COL23A1: variants seen among roughly 807,000 people sequenced by gnomAD.
COL23A1 encodes the protein collagen type XXIII alpha 1 chain.
Under a neutral mutation model 99.3 loss-of-function variants are expected in COL23A1, and 97 were observed. The observed-to-expected ratio is 0.98, with a 90% CI of 0.83 to 1.16. The LOEUF (loss-of-function observed/expected upper bound fraction) is 1.16, where lower values mean the gene tolerates loss of function less well. COL23A1 is among the 50% of genes most tolerant of loss of function. COL23A1 has a pLI of 0.00. For missense variants in COL23A1, 762 were observed against 757.4 expected (o/e 1.01, Z -0.07); for synonymous variants, 320 against 308.2 (o/e 1.04, Z -0.40).
chr5:178,327,141 C>T (rs1581160078), intron 2 of COL23A1, among the ~76,000 whole-genome samples: 1 of 152,216 alleles, frequency 6.6e-6, no homozygotes, highest in South Asian at 2.1e-4. Flanking sequence ...TTTGTTCATT[C>T]GTCTTTCTGA....
At chr5:178,448,557 T>C (rs187646440) in intron 2 of COL23A1, among the ~76,000 whole-genome samples, 23 of 152,360 alleles carry the variant, frequency 1.5e-4, no homozygotes, top group Admixed American at 1.0e-3. Flanking sequence ...GGACCTAGCA[T>C]CTGGCAAGGG....
intron 2 of COL23A1, among the ~76,000 whole-genome samples, chr5:178,338,588 G>GGGTGGCTCCTGGGTCAC (rs1561875088): frequency 2.0e-5 from 3 of 147,692 alleles, no homozygotes; most frequent in African/African-American, 7.8e-5. Context: ...TGGGTCACTG[G>GGGTGGCTCCTGGGTCAC]CCAGCACCGG....
chr5:178,522,135 T>G (rs1477377683), intron 2 of COL23A1, among the ~76,000 whole-genome samples: 1 of 152,180 alleles, frequency 6.6e-6, no homozygotes, highest in Non-Finnish European at 1.5e-5. Flanking sequence ...ATATAAACAT[T>G]AAAAACTTTC....
Position 178,356,853 on chromosome 5 carries a change from G to C in COL23A1, c.362-49934C>G, listed in dbSNP as rs144361685. Among the ~76,000 whole-genome samples, 514 of 152,068 alleles carry C rather than the reference G, an allele frequency of 3.4e-3. 2 individuals carry two copies. The highest frequency in any genetic ancestry group is 0.031 in the South Asian group (150 of 4,796). On this transcript the variant is annotated intron_variant, in intron 2 of 28. Transcript: ENST00000390654. ...CCGAGCCTCAGGAACCCTGGTGCTG[G>C]TCCCCACTGCAACCCCCTGGGGTCT... is the stretch of plus-strand genomic sequence containing the variant.
chr5:178,242,076 G>T lies in COL23A1; in HGVS notation c.1547C>A (p.Pro516Gln). The change falls in exon 27 of 29, where the codon CCG becomes CAG. Residue 516 changes from proline to glutamine, a missense_variant. Physicochemically the swap from Pro to Gln is moderately conservative, Grantham distance 76 (BLOSUM62 -1). Coordinates refer to ENST00000390654, the MANE Select transcript of COL23A1 (RefSeq NM_173465.4). ...CGGCTGGTCCAGGCCTGGTGGTCCCGGCTCGCCCTTCTGGCCCTTCACTCC... is the reference window on the plus strand; with the variant it reads ...CGGCTGGTCCAGGCCTGGTGGTCCCTGCTCGCCCTTCTGGCCCTTCACTCC... The part of the protein sequence containing the change: ...RKGVKGQKGE[P>Q]GPPGLDQPCP... 1 of 1,553,942 alleles carries T rather than the reference G, an allele frequency of 6.4e-7. No individual in the cohort carries two copies. Among genetic ancestry groups the T allele is most frequent in the Non-Finnish European group, 8.7e-7 (1 of 1,148,376 alleles).
chr5:178,322,200 G>GGGC (rs1395467287), intron 2 of COL23A1, among the ~76,000 whole-genome samples: 1 of 151,560 alleles, frequency 6.6e-6, no homozygotes, highest in African/African-American at 2.4e-5. Flanking sequence ...CACTGTGTTG[G>GGGC]CCAGGCTGTT....
intron 2 of COL23A1, among the ~76,000 whole-genome samples, chr5:178,480,005 A>T (rs1757246526): frequency 1.3e-5 from 2 of 152,130 alleles, no homozygotes; most frequent in Non-Finnish European, 2.9e-5. Flanking sequence ...GGCAACTGAG[A>T]TAAAACGGTA....
chr5:178,498,240 ATATATATATATAT>A (rs1758321347), intron 2 of COL23A1, among the ~76,000 whole-genome samples: 1 of 65,748 alleles, frequency 1.5e-5, no homozygotes, highest in Admixed American at 1.4e-4. Flanking sequence ...ATATATATAT[ATATATATATATAT>A]ATATAAAAGA....
intron 2 of COL23A1, among the ~76,000 whole-genome samples, chr5:178,539,425 A>G (rs1026746770): frequency 6.6e-6 from 1 of 151,846 alleles, no homozygotes; most frequent in African/African-American, 2.4e-5. Flanking sequence ...CAGTGCCTGT[A>G]ATCCCAGCTA....
At chr5:178,297,674 C>G (rs1757817280) in intron 3 of COL23A1, among the ~76,000 whole-genome samples, 1 of 152,194 alleles carries the variant, frequency 6.6e-6, no homozygotes, top group South Asian at 2.1e-4. Context: ...TTCTGTCAGC[C>G]CCCGGAAAGG....
intron 2 of COL23A1, among the ~76,000 whole-genome samples, chr5:178,477,836 T>C (rs948402810): frequency 6.6e-6 from 1 of 152,202 alleles, no homozygotes; most frequent in Admixed American, 6.5e-5. Flanking sequence ...CTGGTGCTAA[T>C]GGGTGAAGTC....
chr5:178,548,137 G>C (rs970576697), intron 2 of COL23A1, among the ~76,000 whole-genome samples: 5 of 133,566 alleles, frequency 3.7e-5, no homozygotes, highest in Admixed American at 2.7e-4. Flanking sequence ...AAAGAACAAA[G>C]AGGCCTGCTG....
rs1762499139 is a variant in COL23A1, at chr5:178,366,698, G to GCCACACTGAGCATC, written c.362-59793_362-59780dup. 6.6e-6 allele frequency among the ~76,000 whole-genome samples: 1 copy of GCCACACTGAGCATC among 152,192 alleles called. No individual in the cohort carries two copies. The highest frequency in any genetic ancestry group is 1.5e-5 in the Non-Finnish European group (1 of 68,042). ...ATCCTGCCGCTGCCACGGTGGTGCA[G>GCCACACTGAGCATC]CCACACTGAGCATCCCAAACCTCGC... is the stretch of plus-strand genomic sequence containing the variant. On this transcript the variant is annotated intron_variant, in intron 2 of 28. Transcript: ENST00000390654. The surrounding 1 kb of genome is among the most constrained non-coding windows in gnomAD (Gnocchi z 4.4).
At chr5:178,448,465 A>G (rs920200652) in intron 2 of COL23A1, among the ~76,000 whole-genome samples, 3 of 152,230 alleles carry the variant, frequency 2.0e-5, no homozygotes, top group African/African-American at 7.2e-5. Context: ...CTGCCATAAC[A>G]GAATACCCGA....
intron 2 of COL23A1, among the ~76,000 whole-genome samples, chr5:178,543,322 G>A (rs1761398614): frequency 6.6e-6 from 1 of 152,110 alleles, no homozygotes; most frequent in Non-Finnish European, 1.5e-5. Flanking sequence ...GGCCAGGCTG[G>A]TCGTCAACTC....
At chr5:178,397,301 T>A (rs779052070) in intron 2 of COL23A1, among the ~76,000 whole-genome samples, 5 of 152,186 alleles carry the variant, frequency 3.3e-5, no homozygotes, top group Non-Finnish European at 2.9e-5. Context: ...GATGCTGCGT[T>A]AGCAAGACGC....
chr5:178,365,821 G>A lies in COL23A1; in HGVS notation c.362-58902C>T, dbSNP rs1022997504. ...GGGGCCCACTCCCCCTACCCTCAGC[G>A]CTGGGCACTGGCTTGTGATGGTCTC... On this transcript the variant is annotated intron_variant, in intron 2 of 28. Transcript: ENST00000390654. This position sits in a 1 kb window ranked among gnomAD's most constrained non-coding sequence, Gnocchi z 5.2. Among the ~76,000 whole-genome samples the A allele has an allele frequency of 3.9e-5, 6 of 152,108 alleles. No individual in the cohort carries two copies. Among genetic ancestry groups the A allele is most frequent in the East Asian group, 1.9e-4 (1 of 5,180 alleles).
chr5:178,337,641 G>A (rs1315657458), intron 2 of COL23A1, among the ~76,000 whole-genome samples: 1 of 152,064 alleles, frequency 6.6e-6, no homozygotes, highest in East Asian at 1.9e-4. Context: ...AGAGGGGGCA[G>A]GAGGTTGGGG....
chr5:178,258,556 C>T (rs1231036790), intron 12 of COL23A1, among the ~76,000 whole-genome samples: 3 of 151,422 alleles, frequency 2.0e-5, no homozygotes, highest in East Asian at 2.0e-4. Flanking sequence ...CCACCACGCC[C>T]GGCTAATTTT....
Sources: allele counts gnomAD v4.1 joint callset (sites outside exome capture counted in the v4.1 genomes callset), GRCh38; gene constraint gnomAD v4.1.1; non-coding constraint Gnocchi (gnomAD v3.1); transcripts MANE v1.5; gene names NCBI Gene and HGNC (gene_info 2026-07-23, HGNC 2026-07-21).